Variants in PDE3A observed in about 807,000 individuals in gnomAD.
The protein encoded by PDE3A is cGMP-inhibited 3',5'-cyclic phosphodiesterase 3A.
In PDE3A, 43 loss-of-function variants were observed where a neutral mutation model predicts 98.3. The ratio of observed to expected loss-of-function variants is 0.44; its 90% CI spans 0.34 to 0.56. PDE3A has a LOEUF of 0.56. Among genes scored for constraint, PDE3A ranks in the 20% least tolerant of loss-of-function variants. PDE3A has a pLI of 0.01. For missense variants in PDE3A, 1,427 were observed against 1,440.7 expected, an observed-to-expected ratio of 0.99 and a Z score of 0.15; for synonymous variants, 663 against 567.9, an observed-to-expected ratio of 1.17 and a Z score of -2.38.
At chr12:20,623,312 T>C (rs1944179908) in intron 5 of PDE3A, among the ~76,000 whole-genome samples, 1 of 152,094 alleles carries the variant, frequency 6.6e-6, no homozygotes, top group Admixed American at 6.6e-5. Context: ...TGAAGCCTAG[T>C]AAATGGAAAG....
chr12:20,485,767 A>G (rs961971915), intron 1 of PDE3A, among the ~76,000 whole-genome samples: 1 of 152,122 alleles, frequency 6.6e-6, no homozygotes, highest in Admixed American at 6.6e-5. Flanking sequence ...TTTGCTTTTA[A>G]GTATTATTAC....
chr12:20,466,599 G>C (rs1183670985), intron 1 of PDE3A, among the ~76,000 whole-genome samples: 1 of 152,054 alleles, frequency 6.6e-6, no homozygotes, highest in Non-Finnish European at 1.5e-5. Context: ...ATTATGACTA[G>C]TGTATTATTT....
intron 1 of PDE3A, among the ~76,000 whole-genome samples, chr12:20,414,811 G>A (rs1944395184): frequency 6.6e-6 from 1 of 151,862 alleles, no homozygotes; most frequent in Admixed American, 6.6e-5. Context: ...TTTTTTTCTT[G>A]TAGCTATTTT....
intron 1 of PDE3A, among the ~76,000 whole-genome samples, chr12:20,395,628 GT>G (rs2120632031): frequency 6.9e-6 from 1 of 143,978 alleles, no homozygotes; most frequent in African/African-American, 2.6e-5. Flanking sequence ...TATTATATAT[GT>G]ATACTATATA....
At chr12:20,462,288 C>A (rs374515968) in intron 1 of PDE3A, among the ~76,000 whole-genome samples, 2 of 152,160 alleles carry the variant, frequency 1.3e-5, no homozygotes, top group Admixed American at 1.3e-4. Context: ...GTCAGGAGTT[C>A]GAGACCAGCC....
intron 2 of PDE3A, among the ~76,000 whole-genome samples, chr12:20,562,668 G>A (rs1451966299): frequency 6.6e-6 from 1 of 152,080 alleles, no homozygotes. Context: ...AATATTCTTG[G>A]AACCCTCAGG....
intron 1 of PDE3A, among the ~76,000 whole-genome samples, chr12:20,542,755 T>C (rs1477123622): frequency 6.6e-6 from 1 of 152,028 alleles, no homozygotes; most frequent in Non-Finnish European, 1.5e-5. Flanking sequence ...TCCAATTTTT[T>C]CTAAGAAAGG....
rs1945795123 is a variant in PDE3A at position 20,681,868 on chromosome 12, A to G, written c.*1597A>G. ...TCATGATAGTTATCTTGATGTAAAT[A>G]TGAAGATTTTTTTGTTTCTGTAGAT... On this transcript the variant is annotated 3_prime_UTR_variant, in exon 16 of 16. Transcript: ENST00000359062. 1 of 152,120 alleles carries G rather than the reference A, an allele frequency of 6.6e-6. No individual in the cohort carries two copies. Among genetic ancestry groups the G allele is most frequent in the Admixed American group, 6.5e-5 (1 of 15,278 alleles). 9.4% of individuals were successfully genotyped at this position (152,120 alleles called of 1,614,324 possible). A position where few individuals can be genotyped will look rare whatever the true frequency, so the allele number is the denominator to read the frequency against.
At chr12:20,635,163 G>C (rs2121512882) in intron 8 of PDE3A, 107 bp downstream of exon 8, 1 of 981,896 alleles carries the variant, frequency 1.0e-6, no homozygotes, top group Non-Finnish European at 1.5e-6. Context: ...GCTCACACCT[G>C]TAATCCCAAC....
chr12:20,601,146 G>A (rs1026136681), intron 2 of PDE3A, among the ~76,000 whole-genome samples: 3 of 152,284 alleles, frequency 2.0e-5, no homozygotes, highest in African/African-American at 7.2e-5. Context: ...AATTGTGGCA[G>A]GTGCTATTGC....
At chr12:20,492,790 G>A (rs995168512) in intron 1 of PDE3A, among the ~76,000 whole-genome samples, 2 of 152,088 alleles carry the variant, frequency 1.3e-5, no homozygotes, top group Non-Finnish European at 2.9e-5. Context: ...ACTGTCATGG[G>A]CTGAATCCTA....
intron 8 of PDE3A, among the ~76,000 whole-genome samples, chr12:20,636,205 T>C (rs530818067): frequency 1.1e-3 from 160 of 152,290 alleles, no homozygotes; most frequent in African/African-American, 3.7e-3. Context: ...GATTACTTAC[T>C]TTGTGTATTT....
rs71463096 is a variant in PDE3A at position 20,447,166 on chromosome 12, C to G, written c.960+76922C>G. 3.0e-3 allele frequency among the ~76,000 whole-genome samples: 455 copies of G among 152,284 alleles called. 1 individual carries two copies. Among genetic ancestry groups the G allele is most frequent in the Middle Eastern group, 0.027 (8 of 294 alleles). On this transcript the variant is annotated intron_variant, in intron 1 of 15. Transcript: ENST00000359062. The stretch of plus-strand genomic sequence containing the variant: ...TGAGACAAGCCTCTCTCTTGCAAGC[C>G]ATCCGGATGAGAGATAACAGTGGCT...
intron 10 of PDE3A, among the ~76,000 whole-genome samples, chr12:20,643,770 G>A (rs896189221): frequency 2.0e-5 from 3 of 151,684 alleles, no homozygotes; most frequent in Admixed American, 2.0e-4. Flanking sequence ...TTGTATTTTC[G>A]GCACTAGATT....
At chr12:20,644,177 C>T (rs1426633259) in intron 10 of PDE3A, among the ~76,000 whole-genome samples, 1 of 152,178 alleles carries the variant, frequency 6.6e-6, no homozygotes, top group East Asian at 1.9e-4. Flanking sequence ...TGCCATTTTC[C>T]TACCATAACA....
intron 1 of PDE3A, among the ~76,000 whole-genome samples, chr12:20,480,976 T>C (rs1481204084): frequency 2.6e-5 from 4 of 152,230 alleles, no homozygotes; most frequent in African/African-American, 9.6e-5. Flanking sequence ...AAATACCAAC[T>C]GATGTTCATC....
intron 15 of PDE3A, among the ~76,000 whole-genome samples, chr12:20,659,315 A>G (rs1470537462): frequency 6.6e-6 from 1 of 152,122 alleles, no homozygotes; most frequent in Non-Finnish European, 1.5e-5. Context: ...TTTATTCTGT[A>G]CAGTACAAGA....
chr12:20,639,678 C>A (rs892045287), intron 9 of PDE3A, among the ~76,000 whole-genome samples, 168 bp from the exon 10 acceptor site: 6 of 152,132 alleles, frequency 3.9e-5, no homozygotes, highest in African/African-American at 1.4e-4. Context: ...CAATATACAG[C>A]CTGCCTTTTG....
chr12:20,388,063 T>C (rs1943844395), intron 1 of PDE3A, among the ~76,000 whole-genome samples: 1 of 152,084 alleles, frequency 6.6e-6, no homozygotes, highest in Non-Finnish European at 1.5e-5. Context: ...TAAAGAAATG[T>C]ATTCCTTTGA....
Sources: allele counts gnomAD v4.1 joint callset (sites outside exome capture counted in the v4.1 genomes callset), GRCh38; gene constraint gnomAD v4.1.1; transcripts MANE v1.5; gene names NCBI Gene and HGNC (gene_info 2026-07-23, HGNC 2026-07-21).